The following LPP variants were observed in gnomAD, a reference collection of about 807,000 sequenced individuals.
LPP encodes LIM domain containing preferred translocation partner in lipoma, also known as lipoma-preferred partner.
In LPP, 38 loss-of-function variants were observed where a neutral mutation model predicts 60.4. That is an observed-to-expected ratio of 0.63 (90% CI 0.49 to 0.83). LPP has a LOEUF of 0.83. Among genes scored for constraint, LPP ranks in the 40% least tolerant of loss-of-function variants. The probability of loss-of-function intolerance (pLI) is 0.00; values close to 1 mark genes in which losing one functional copy is unlikely to be tolerated. For missense variants in LPP, 902 were observed against 783.6 expected, an observed-to-expected ratio of 1.15 and a Z score of -1.80; for synonymous variants, 328 against 290.8, an observed-to-expected ratio of 1.13 and a Z score of -1.30.
intron 1 of LPP, among the ~76,000 whole-genome samples, chr3:188,219,070 G>A (rs1382582308): frequency 6.6e-6 from 1 of 151,878 alleles, no homozygotes; most frequent in East Asian, 1.9e-4. Flanking sequence ...GGCTTTTAGG[G>A]GCGGGGTGGG....
At chr3:188,654,552 A>G (rs1852750672) in intron 7 of LPP, among the ~76,000 whole-genome samples, 1 of 151,966 alleles carries the variant, frequency 6.6e-6, no homozygotes, top group African/African-American at 2.4e-5. Context: ...GTGTGTGTGT[A>G]TGCGTACACA....
chr3:188,717,186 T>C (rs1333507077), intron 8 of LPP, among the ~76,000 whole-genome samples: 1 of 152,238 alleles, frequency 6.6e-6, no homozygotes, highest in Admixed American at 6.5e-5. Context: ...CTTTAAATTC[T>C]TTTCACTTTT....
chr3:188,447,755 G>T (rs576072013), intron 4 of LPP, among the ~76,000 whole-genome samples: 1 of 151,822 alleles, frequency 6.6e-6, no homozygotes. Flanking sequence ...CAGCCTGGGC[G>T]ACACAGCAAG....
intron 2 of LPP, among the ~76,000 whole-genome samples, chr3:188,263,114 C>T (rs1193994336): frequency 1.3e-5 from 2 of 152,186 alleles, no homozygotes; most frequent in East Asian, 3.9e-4. Context: ...TGCCATCCCT[C>T]CATGGAATCC....
intron 8 of LPP, among the ~76,000 whole-genome samples, chr3:188,717,834 T>C (rs1239660847): frequency 1.3e-5 from 2 of 152,226 alleles, no homozygotes; most frequent in Non-Finnish European, 2.9e-5. Flanking sequence ...TTGTCTGTTT[T>C]GTGTCAGAGT....
At chr3:188,583,117 T>C (rs1292789615) in intron 6 of LPP, among the ~76,000 whole-genome samples, 1 of 152,208 alleles carries the variant, frequency 6.6e-6, no homozygotes, top group Non-Finnish European at 1.5e-5. Context: ...GGCTCTGAAG[T>C]CAAATAGAAA....
At chr3:188,697,266 C>A (rs1191671521) in intron 7 of LPP, among the ~76,000 whole-genome samples, 1 of 152,186 alleles carries the variant, frequency 6.6e-6, no homozygotes, top group East Asian at 1.9e-4. Flanking sequence ...CAAATGAAAA[C>A]CACCTTGTGT....
chr3:188,699,894 G>T (rs1421606868), intron 7 of LPP, among the ~76,000 whole-genome samples: 3 of 152,146 alleles, frequency 2.0e-5, no homozygotes, highest in Non-Finnish European at 4.4e-5. Context: ...AAAAGTAGAA[G>T]CAGCCACAGG....
At chr3:188,188,103 C>T (rs1242625753) in intron 1 of LPP, among the ~76,000 whole-genome samples, 1 of 152,078 alleles carries the variant, frequency 6.6e-6, no homozygotes, top group Non-Finnish European at 1.5e-5. Flanking sequence ...TGCATAAAGC[C>T]TTTTCATTAA....
intron 7 of LPP, among the ~76,000 whole-genome samples, chr3:188,646,343 G>T (rs547953025): frequency 6.6e-6 from 1 of 152,286 alleles, no homozygotes; most frequent in African/African-American, 2.4e-5. Flanking sequence ...TCTGTTTACG[G>T]AGGCAGTCCT....
At chr3:188,309,775 A>G (rs989228178) in intron 2 of LPP, among the ~76,000 whole-genome samples, 4 of 152,112 alleles carry the variant, frequency 2.6e-5, no homozygotes, top group African/African-American at 9.7e-5. Context: ...AAGGGGAAAA[A>G]TCGGGATTCA....
At chr3:188,690,986 C>T (rs1861998996) in intron 7 of LPP, among the ~76,000 whole-genome samples, 1 of 152,048 alleles carries the variant, frequency 6.6e-6, no homozygotes, top group South Asian at 2.1e-4. Context: ...CTTTAAGATA[C>T]TTCTATCCAT....
chr3:188,476,041 T>C (rs1222938852), intron 4 of LPP, among the ~76,000 whole-genome samples: 1 of 152,168 alleles, frequency 6.6e-6, no homozygotes, highest in Non-Finnish European at 1.5e-5. Flanking sequence ...CATTTTTTTT[T>C]CTTTAAAATT....
chr3:188,456,247 A>G (rs1449862478), intron 4 of LPP, among the ~76,000 whole-genome samples: 1 of 152,098 alleles, frequency 6.6e-6, no homozygotes, highest in Non-Finnish European at 1.5e-5. Flanking sequence ...ATTGGGGGAA[A>G]CTTCTCAGCT....
In LPP at chr3:188,340,396, C is replaced by CTT. The variant is rs5855188; in HGVS notation, c.-66-1248_-66-1247dup. ...TGCAGGGCATCTGATCAATCATGCTCTTTTTTTTTTTTTTTTTTTTGAAAC... is the reference window on the plus strand; with the variant it reads ...TGCAGGGCATCTGATCAATCATGCTCTTTTTTTTTTTTTTTTTTTTTTGAAAC... On this transcript the variant is annotated intron_variant, in intron 2 of 11. Coordinates refer to ENST00000617246, the MANE Select transcript of LPP (RefSeq NM_001375462.1). 4.8e-3 allele frequency among the ~76,000 whole-genome samples: 561 copies of CTT among 116,554 alleles called. 3 individuals are homozygous for CTT. The highest frequency in any genetic ancestry group is 7.1e-3 in the Non-Finnish European group (397 of 55,986). 76.5% of individuals were successfully genotyped at this position (116,554 alleles called of 152,430 possible). A position where few individuals can be genotyped will look rare whatever the true frequency, so the allele number is the denominator to read the frequency against.
At chr3:188,541,497 T>G (rs1451138826) in intron 6 of LPP, among the ~76,000 whole-genome samples, 1 of 151,874 alleles carries the variant, frequency 6.6e-6, no homozygotes, top group Admixed American at 6.6e-5. Flanking sequence ...AACCATAACC[T>G]AGAGAAGTAT....
At chr3:188,301,141 T>C (rs1157388296) in intron 2 of LPP, among the ~76,000 whole-genome samples, 1 of 152,194 alleles carries the variant, frequency 6.6e-6, no homozygotes, top group Non-Finnish European at 1.5e-5. Context: ...TTTCTGGCAA[T>C]TCTTACCTCC....
At chr3:188,658,649 C>T (rs1156873165) in intron 7 of LPP, among the ~76,000 whole-genome samples, 1 of 152,166 alleles carries the variant, frequency 6.6e-6, no homozygotes, top group Admixed American at 6.5e-5. Flanking sequence ...GGATTAATAA[C>T]ACAAAAGACA....
At chr3:188,774,451 T>A (rs1737078043) in intron 9 of LPP, among the ~76,000 whole-genome samples, 1 of 151,834 alleles carries the variant, frequency 6.6e-6, no homozygotes, top group Admixed American at 6.6e-5. Flanking sequence ...TTCCTGTTGT[T>A]CTTTGTGTCT....
Sources: gnomAD v4.1 joint callset for allele counts (sites outside exome capture counted in the v4.1 genomes callset) on GRCh38, gnomAD v4.1.1 for gene constraint, MANE v1.5 for transcripts, NCBI Gene and HGNC (gene_info 2026-07-23, HGNC 2026-07-21) for gene names.